Variants in FAM3D observed in about 807,000 individuals in gnomAD.
The protein encoded by FAM3D is protein FAM3D.
In FAM3D, 26 loss-of-function variants were observed where a neutral mutation model predicts 29.8. That is an observed-to-expected ratio of 0.87 (90% CI 0.64 to 1.21). FAM3D has a LOEUF of 1.21. FAM3D is among the 50% of genes most tolerant of loss of function. The probability of loss-of-function intolerance (pLI) is 0.00; values close to 1 mark genes in which losing one functional copy is unlikely to be tolerated. For missense variants in FAM3D, 253 were observed against 290.9 expected (o/e 0.87, Z 0.95); for synonymous variants, 115 against 102.3 (o/e 1.12, Z -0.75).
chr3:58,649,494 A>C, intron 3 of FAM3D, 156 bp from the exon 4 acceptor site: 1 of 734,132 alleles, frequency 1.4e-6, no homozygotes, highest in South Asian at 1.7e-5. Context: ...ACCCCTTCAC[A>C]CACATACATA....
intron 8 of FAM3D, 43 bp from the exon 9 acceptor site, chr3:58,636,463 C>A: frequency 6.2e-7 from 1 of 1,606,980 alleles, no homozygotes. Flanking sequence ...GGGGGTGGGT[C>A]GCAGGGGCAT....
rs746846399 is a variant in FAM3D, at chr3:58,649,316, G to T, written c.144C>A (p.Ile48=). 1 of 1,613,684 alleles carries T rather than the reference G, an allele frequency of 6.2e-7. No homozygotes were observed. The highest frequency in any genetic ancestry group is 1.1e-5 in the South Asian group (1 of 91,066). The change falls in exon 4 of 10, where the codon ATC becomes ATA. Residue 48 remains isoleucine (I), a splice_region_variant and synonymous_variant. Coordinates refer to ENST00000358781, the MANE Select transcript of FAM3D (RefSeq NM_138805.3). ...GTGTGGGGCTGCACAGATACTCACG[G>T]ATCTCCTTGGTGGGCGAGGCTGCTG... ...RWLAASPTKE[I]QVKKYKCGLI...
At chr3:58,661,007 A>G (rs2066918834) in intron 1 of FAM3D, among the ~76,000 whole-genome samples, 1 of 152,206 alleles carries the variant, frequency 6.6e-6, no homozygotes, top group Non-Finnish European at 1.5e-5. Flanking sequence ...AAAGGATCAC[A>G]TAGTAAATAT....
At chr3:58,638,215 C>G (rs1018187954) in intron 7 of FAM3D, among the ~76,000 whole-genome samples, 10 of 152,142 alleles carry the variant, frequency 6.6e-5, no homozygotes, top group African/African-American at 2.2e-4. Flanking sequence ...TGGTCACCTT[C>G]CCTGCATAAC....
intron 4 of FAM3D, among the ~76,000 whole-genome samples, chr3:58,646,130 A>G (rs1284282271): frequency 2.0e-5 from 3 of 152,160 alleles, no homozygotes; most frequent in African/African-American, 7.2e-5. Flanking sequence ...TGCCTCCCCC[A>G]CTGGGTTCTT....
At position 58,634,184 on chromosome 3, in the gene FAM3D, C is replaced by A; in HGVS notation, c.*95G>T. ...ACCTGCAGCACCTTCCACGCAGCAC[C>A]CCCTGCTCCTCCTCCTCAGCCCCTG... On this transcript the variant is annotated 3_prime_UTR_variant, in exon 10 of 10. Coordinates refer to ENST00000358781, the MANE Select transcript of FAM3D (RefSeq NM_138805.3). This position sits in a 1 kb window ranked among gnomAD's most constrained non-coding sequence, Gnocchi z 4.6. 8.8e-7 allele frequency: 1 copy of A among 1,134,676 alleles called. No homozygotes were observed. Among genetic ancestry groups the A allele is most frequent in the Non-Finnish European group, 1.3e-6 (1 of 780,862 alleles). 70.3% of individuals were successfully genotyped at this position (1,134,676 alleles called of 1,614,324 possible). A position where few individuals can be genotyped will look rare whatever the true frequency, so the allele number is the denominator to read the frequency against.
intron 5 of FAM3D, 31 bp from the exon 6 acceptor site, chr3:58,643,751 C>T (rs773428681): frequency 1.4e-5 from 22 of 1,609,500 alleles, no homozygotes; most frequent in Admixed American, 1.2e-4. Context: ...ATATGACAGT[C>T]GGTCCCGAGT....
intron 6 of FAM3D, 66 bp from the exon 7 acceptor site, chr3:58,640,243 A>G: frequency 6.4e-7 from 1 of 1,558,338 alleles, no homozygotes; most frequent in Non-Finnish European, 8.9e-7. Context: ...GTTCTGCTGA[A>G]AATGCCTAAT....
chr3:58,664,151 G>A (rs1301665687), intron 1 of FAM3D, among the ~76,000 whole-genome samples: 2 of 152,142 alleles, frequency 1.3e-5, no homozygotes, highest in African/African-American at 4.8e-5. Flanking sequence ...GGCCTCAGTA[G>A]TTCACTGCAA....
chr3:58,642,437 TC>T (rs2066360072), intron 6 of FAM3D, among the ~76,000 whole-genome samples: 1 of 152,186 alleles, frequency 6.6e-6, no homozygotes, highest in African/African-American at 2.4e-5. Context: ...ACACACAAGC[TC>T]GACAAGTTCC....
intron 2 of FAM3D, among the ~76,000 whole-genome samples, chr3:58,654,413 A>C (rs2066730513): frequency 1.3e-5 from 2 of 152,188 alleles, no homozygotes; most frequent in Non-Finnish European, 2.9e-5. Context: ...AGGCCTCCAC[A>C]AATAACCGCA....
chr3:58,643,738 G>A lies in FAM3D; in HGVS notation c.264-18C>T. 1 of 1,613,626 alleles carries A rather than the reference G, an allele frequency of 6.2e-7. No individual in the cohort carries two copies. The highest frequency in any genetic ancestry group is 8.5e-7 in the Non-Finnish European group (1 of 1,179,590). ...TCATGATCCTGAAGACAATGAAGAA[G>A]AAATATGACAGTCGGTCCCGAGTGT... On this transcript the variant is annotated intron_variant, in intron 5 of 9. Coordinates refer to ENST00000358781, the MANE Select transcript of FAM3D (RefSeq NM_138805.3).
At chr3:58,658,839 T>C (rs1347646011) in intron 1 of FAM3D, among the ~76,000 whole-genome samples, 1 of 152,146 alleles carries the variant, frequency 6.6e-6, no homozygotes, top group African/African-American at 2.4e-5. Flanking sequence ...ATGTGATAAG[T>C]CTGGGGCTAC....
At chr3:58,649,268 G>A in intron 4 of FAM3D, 47 bp downstream of exon 4, 1 of 1,604,670 alleles carries the variant, frequency 6.2e-7, no homozygotes, top group Non-Finnish European at 8.5e-7. Context: ...GGAGCAGGGG[G>A]TGAGTGGATG....
chr3:58,636,389 C>T lies in FAM3D; in HGVS notation c.490G>A (p.Asp164Asn). 6.2e-7 allele frequency: 1 copy of T among 1,614,208 alleles called. No individual in the cohort carries two copies. Among genetic ancestry groups the T allele is most frequent in the Non-Finnish European group, 8.5e-7 (1 of 1,180,034 alleles). ...TGTTTTGCGTAGGAACTCCCCAAGT[C>T]AGAGAAGAGTTTCCTGCTTTCATCG... ...MNDESRKLFS[D>N]LGSSYAKQLG... The change falls in exon 9 of 10, where the codon GAC becomes AAC. Residue 164 changes from aspartate (D) to asparagine (N), a missense_variant. Transcript: ENST00000358781.
At chr3:58,656,702 C>G (rs1171817540) in intron 1 of FAM3D, among the ~76,000 whole-genome samples, 2 of 152,218 alleles carry the variant, frequency 1.3e-5, no homozygotes, top group Non-Finnish European at 2.9e-5. Flanking sequence ...CTGCCCACCC[C>G]AGAGTCTTTA....
intron 7 of FAM3D, among the ~76,000 whole-genome samples, chr3:58,637,878 G>GATGATTATTATTATT (rs1553633265): frequency 1.3e-5 from 2 of 148,682 alleles, no homozygotes; most frequent in African/African-American, 5.0e-5. Context: ...TTTCCCTTGT[G>GATGATTATTATTATT]ATTATTATTA....
rs147432183 is a variant in FAM3D, at chr3:58,651,704, C to T, written c.121+1970G>A. Among the ~76,000 whole-genome samples the T allele has an allele frequency of 2.2e-4, 34 of 152,142 alleles. No individual in the cohort carries two copies. The East Asian group carries it at 6.2e-3, about 28-fold the overall frequency. ...TTCAATTACTGCCCCTCTCCCACCTCGGACTGGGGCACTCTTCTCTAGAGG... is the reference window on the plus strand; with the variant it reads ...TTCAATTACTGCCCCTCTCCCACCTTGGACTGGGGCACTCTTCTCTAGAGG... On this transcript the variant is annotated intron_variant, in intron 3 of 9. Transcript: ENST00000358781.
rs571861350 is a variant in FAM3D, at chr3:58,653,711, G to A, written c.84C>T (p.Ser28=). The A allele has an allele frequency of 3.1e-6, 5 of 1,614,054 alleles. No individual in the cohort carries two copies. The African/African-American group carries it at 5.3e-5, about 17-fold the overall frequency. ...GCAGACGGATGGTTTTCATGCTGAA[G>A]CTCATGTAGCTTCGAATAAACATCC... ...TTWMFIRSYM[S]FSMKTIRLPR... The change falls in exon 3 of 10, where the codon AGC becomes AGT. Residue 28 remains serine (S), a synonymous_variant. Coordinates refer to ENST00000358781, the MANE Select transcript of FAM3D (RefSeq NM_138805.3).
Sources: allele counts gnomAD v4.1 joint callset (sites outside exome capture counted in the v4.1 genomes callset), GRCh38; gene constraint gnomAD v4.1.1; non-coding constraint Gnocchi (gnomAD v3.1); transcripts MANE v1.5; gene names NCBI Gene and HGNC (gene_info 2026-07-23, HGNC 2026-07-21).